RANBP2: variants seen among roughly 807,000 people sequenced by gnomAD.
RANBP2 encodes the protein RAN binding protein 2.
Under a neutral mutation model 303.6 loss-of-function variants are expected in RANBP2, and 57 were observed. That is an observed-to-expected ratio of 0.19 (90% confidence interval 0.15 to 0.23). RANBP2 has a LOEUF of 0.23. Ranked by LOEUF, RANBP2 falls within the 10% of genes least tolerant of loss-of-function variation. RANBP2 has a pLI of 1.00. For synonymous variants in RANBP2, 1,167 were observed against 1,301.5 expected (o/e 0.90, Z 2.23); for missense variants, 3,138 against 3,780.8 (o/e 0.83, Z 4.46).
chr2:109,370,200 T>TCTGTCC, the RANBP2 span, among the ~76,000 whole-genome samples: 1 of 144,356 alleles, frequency 6.9e-6, no homozygotes, highest in Admixed American at 6.7e-5. Flanking sequence ...GGTCTCTGTC[T>TCTGTCC]CTGTCTCTGT....
chr2:109,711,896 A>G, the RANBP2 span, among the ~76,000 whole-genome samples: 2 of 152,098 alleles, frequency 1.3e-5, no homozygotes, highest in African/African-American at 4.8e-5. Context: ...GGCTGCCTGC[A>G]GTCTTGGCTG....
chr2:109,559,223 C>CATCAGT, the RANBP2 span, among the ~76,000 whole-genome samples: 3 of 152,140 alleles, frequency 2.0e-5, no homozygotes, highest in Non-Finnish European at 4.4e-5. Flanking sequence ...ATAAAAGCTT[C>CATCAGT]CTAATACATC....
At chr2:108,745,670 C>G (rs1184151915) in intron 7 of RANBP2, among the ~76,000 whole-genome samples, 1 of 151,480 alleles carries the variant, frequency 6.6e-6, no homozygotes, top group Non-Finnish European at 1.5e-5. Flanking sequence ...CCAGTGCTAT[C>G]CCATATTATC....
the RANBP2 span, chr2:108,804,937 A>G: frequency 6.3e-6 from 10 of 1,575,180 alleles, no homozygotes; most frequent in Non-Finnish European, 6.9e-6. Context: ...TAAGGAAAAG[A>G]ATAAAGAAAC....
the RANBP2 span, among the ~76,000 whole-genome samples, chr2:109,281,994 G>A: frequency 1.3e-5 from 2 of 152,112 alleles, no homozygotes; most frequent in Admixed American, 6.5e-5. Flanking sequence ...AGGCTTTCGG[G>A]ATGCTCCAGG....
chr2:109,230,868 A>G, the RANBP2 span, among the ~76,000 whole-genome samples: 2 of 152,206 alleles, frequency 1.3e-5, no homozygotes, highest in Non-Finnish European at 2.9e-5. Context: ...TCACTGGCCA[A>G]TAGGACTCCC....
In RANBP2 at chr2:108,767,196, G is replaced by C. The variant is rs1441620198; in HGVS notation, c.6657G>C (p.Gly2219=). 6.2e-7 allele frequency: 1 copy of C among 1,612,048 alleles called. No homozygotes were observed. The highest frequency in any genetic ancestry group is 1.3e-5 in the African/African-American group (1 of 74,978). ...TTIKPNPENT[G]PTLEWDNYDL... is the part of the protein sequence containing the mutation. Reference sequence around the variant, plus strand: ...TAAAACCCAATCCTGAAAACACTGGGCCCACATTAGAATGGGATAACTATG... The same window carrying C: ...TAAAACCCAATCCTGAAAACACTGGCCCCACATTAGAATGGGATAACTATG... The change falls in exon 20 of 29, where the codon GGG becomes GGC. Residue 2219 remains glycine (G), a synonymous_variant. Coordinates refer to ENST00000283195, the MANE Select transcript of RANBP2 (RefSeq NM_006267.5).
the RANBP2 span, among the ~76,000 whole-genome samples, chr2:109,058,203 G>T: frequency 1.3e-5 from 2 of 152,182 alleles, no homozygotes; most frequent in African/African-American, 4.8e-5. Context: ...GCAGCTTTCT[G>T]CTCCAGCCCC....
At chr2:109,063,800 GA>G in the RANBP2 span, among the ~76,000 whole-genome samples, 108 of 133,590 alleles carry the variant, frequency 8.1e-4, no homozygotes, top group East Asian at 6.3e-3. Context: ...GCAAGTAATA[GA>G]AAAAAAAAAA....
At chr2:108,961,292 G>C in the RANBP2 span, among the ~76,000 whole-genome samples, 11,181 of 152,258 alleles carry the variant, frequency 0.073, 598 homozygotes, top group Non-Finnish European at 0.11. Flanking sequence ...TAATTAAGAG[G>C]GGGAGACACA....
At chr2:109,204,602 C>T in the RANBP2 span, among the ~76,000 whole-genome samples, 7 of 152,288 alleles carry the variant, frequency 4.6e-5, no homozygotes, top group Non-Finnish European at 7.4e-5. Context: ...CTCCAGGTGC[C>T]GGCAGCGCCA....
chr2:109,698,750 T>A, the RANBP2 span, among the ~76,000 whole-genome samples: 1 of 152,016 alleles, frequency 6.6e-6, no homozygotes, highest in African/African-American at 2.4e-5. Context: ...ATGCTGGAGT[T>A]TTTTTGCATT....
chr2:109,248,789 CTCTT>C, the RANBP2 span, among the ~76,000 whole-genome samples: 3 of 150,192 alleles, frequency 2.0e-5, no homozygotes, highest in East Asian at 2.0e-4. Flanking sequence ...TTCTGTCTTT[CTCTT>C]TCTGTCTCTC....
At chr2:109,246,657 C>G in the RANBP2 span, among the ~76,000 whole-genome samples, 2 of 152,318 alleles carry the variant, frequency 1.3e-5, no homozygotes, top group Middle Eastern at 3.4e-3. Flanking sequence ...CTTATTTGAC[C>G]TGTGGACTTA....
the RANBP2 span, among the ~76,000 whole-genome samples, chr2:109,606,136 G>T: frequency 6.6e-6 from 1 of 152,210 alleles, no homozygotes; most frequent in Non-Finnish European, 1.5e-5. Flanking sequence ...GGTAACACAG[G>T]CCGGGTGCCG....
the RANBP2 span, among the ~76,000 whole-genome samples, chr2:109,049,521 T>A: frequency 6.6e-6 from 1 of 152,158 alleles, no homozygotes; most frequent in African/African-American, 2.4e-5. Context: ...TCCCCTTGTG[T>A]GTAATTGCAC....
At chr2:108,739,030 C>T (rs826569) in intron 6 of RANBP2, among the ~76,000 whole-genome samples, 39,458 of 152,036 alleles carry the variant, frequency 0.26, 5,497 homozygotes, top group African/African-American at 0.35. Flanking sequence ...TTTAATGTCT[C>T]GCTTAATAGA....
chr2:108,897,314 AAATT>A, the RANBP2 span: 11 of 1,328,784 alleles, frequency 8.3e-6, no homozygotes, highest in Non-Finnish European at 1.1e-5. Flanking sequence ...AATGAAATAA[AAATT>A]ATTTGAAAAA....
At chr2:109,490,958 C>T in the RANBP2 span, 1 of 1,441,488 alleles carries the variant, frequency 6.9e-7, no homozygotes, top group Non-Finnish European at 9.1e-7. Flanking sequence ...GGCTTGTCTG[C>T]TCTGTGGCAT....
Sources: gnomAD v4.1 joint callset for allele counts (sites outside exome capture counted in the v4.1 genomes callset) on GRCh38, gnomAD v4.1.1 for gene constraint, MANE v1.5 for transcripts, NCBI Gene and HGNC (gene_info 2026-07-23, HGNC 2026-07-21) for gene names.